The following NOSTRIN variants were observed in gnomAD, a reference collection of about 807,000 sequenced individuals.
NOSTRIN encodes the protein BM247 homolog.
A neutral mutation model predicts 59.0 loss-of-function variants in NOSTRIN; 63 were observed. The observed-to-expected ratio is 1.07, with a 90% CI of 0.87 to 1.32. The LOEUF is 1.32. Among genes scored for constraint, NOSTRIN ranks in the 40% most tolerant of loss-of-function variants. The pLI is 0.00. For synonymous variants in NOSTRIN, 200 were observed against 165.4 expected (o/e 1.21, Z -1.61); for missense variants, 512 against 473.1 (o/e 1.08, Z -0.76).
intron 5 of NOSTRIN, among the ~76,000 whole-genome samples, chr2:168,830,110 A>T (rs184836372): frequency 2.0e-5 from 3 of 152,232 alleles, no homozygotes; most frequent in African/African-American, 7.2e-5. Flanking sequence ...TGCCTTTGCA[A>T]GCCAACTTAA....
chr2:168,844,001 G>C (rs920489079), intron 8 of NOSTRIN, among the ~76,000 whole-genome samples: 1 of 152,142 alleles, frequency 6.6e-6, no homozygotes, highest in Non-Finnish European at 1.5e-5. Flanking sequence ...TTTGGAAAGT[G>C]AACTAATATC....
chr2:168,863,742 C>A, intron 15 of NOSTRIN: 1 of 805,586 alleles, frequency 1.2e-6, no homozygotes, highest in Non-Finnish European at 1.5e-6. Flanking sequence ...TAAGAAAAGA[C>A]TGTTGGTGAG....
upstream of NOSTRIN, among the ~76,000 whole-genome samples, chr2:168,796,168 C>T (rs1685472743): frequency 2.0e-5 from 3 of 152,230 alleles, no homozygotes; most frequent in South Asian, 6.2e-4. Context: ...CCATGGCACT[C>T]ATGTGCATGC....
chr2:168,845,604 T>C (rs2105730830), intron 8 of NOSTRIN, among the ~76,000 whole-genome samples: 1 of 152,286 alleles, frequency 6.6e-6, no homozygotes, highest in South Asian at 2.1e-4. Flanking sequence ...CCTCTACATG[T>C]TTCCCCTACA....
chr2:168,833,680 T>G (rs1239291064), intron 6 of NOSTRIN, among the ~76,000 whole-genome samples: 1 of 152,202 alleles, frequency 6.6e-6, no homozygotes, highest in Admixed American at 6.5e-5. Flanking sequence ...CCCTACTTCT[T>G]TCTACTTCTC....
At chr2:168,816,166 C>G (rs557926688) in intron 2 of NOSTRIN, among the ~76,000 whole-genome samples, 227 of 152,240 alleles carry the variant, frequency 1.5e-3, no homozygotes, top group Non-Finnish European at 1.8e-3. Flanking sequence ...ACCCCTTAAG[C>G]CTTTTACTCT....
chr2:168,799,260 T>C (rs1559100094), upstream of NOSTRIN, among the ~76,000 whole-genome samples: 1 of 152,142 alleles, frequency 6.6e-6, no homozygotes, highest in African/African-American at 2.4e-5. Flanking sequence ...CTACTTATAT[T>C]AAGTTGGCCT....
chr2:168,822,182 T>C (rs73969965), intron 2 of NOSTRIN, among the ~76,000 whole-genome samples: 2,195 of 152,328 alleles, frequency 0.014, 49 homozygotes, highest in African/African-American at 0.046. Flanking sequence ...GAGATATTTA[T>C]TGACTGGCTT....
intron 3 of NOSTRIN, among the ~76,000 whole-genome samples, chr2:168,825,039 G>T (rs889087192): frequency 6.6e-6 from 1 of 152,176 alleles, no homozygotes; most frequent in Admixed American, 6.5e-5. Flanking sequence ...GATTACATGT[G>T]TGAGCCACCA....
At chr2:168,797,090 T>C (rs1413624831), upstream of NOSTRIN, among the ~76,000 whole-genome samples, 3 of 131,662 alleles carry the variant, frequency 2.3e-5, no homozygotes, top group East Asian at 2.2e-4. Context: ...TTTTTTTTTT[T>C]TTTTTTTTTT....
At chr2:168,854,556 C>T (rs1326207330) in intron 10 of NOSTRIN, among the ~76,000 whole-genome samples, 1 of 152,160 alleles carries the variant, frequency 6.6e-6, no homozygotes, top group Non-Finnish European at 1.5e-5. Flanking sequence ...ATTCCTACAT[C>T]AGCCCTAAAA....
Position 168,834,541 on chromosome 2 carries a change from A to ACACC in NOSTRIN, c.504+217_504+218insACCC, listed in dbSNP as rs58702721. Among the ~76,000 whole-genome samples the ACACC allele has an allele frequency of 4.9e-3, 685 of 140,338 alleles. 5 individuals are homozygous for ACACC. Among genetic ancestry groups the ACACC allele is most frequent in the African/African-American group, 0.016 (603 of 38,016 alleles). 92.1% of individuals were successfully genotyped at this position (140,338 alleles called of 152,430 possible). Reference sequence around the variant, plus strand: ...CACACACACACACACACACACACACACCACATACATTTTAAACTTTATTTT... The same window carrying ACACC: ...CACACACACACACACACACACACACACACCCCACATACATTTTAAACTTTATTTT... On this transcript the variant is annotated intron_variant, in intron 7 of 15. Coordinates refer to ENST00000317647, the MANE Select transcript of NOSTRIN (RefSeq NM_001039724.4).
intron 2 of NOSTRIN, chr2:168,818,151 TTATTA>T (rs1359496987): frequency 7.0e-6 from 2 of 285,988 alleles, no homozygotes; most frequent in African/African-American, 2.2e-5. Flanking sequence ...TAGCTCTATT[TTATTA>T]TTTTATGTTT....
chr2:168,816,922 A>G (rs1686435569), intron 2 of NOSTRIN, among the ~76,000 whole-genome samples: 1 of 152,180 alleles, frequency 6.6e-6, no homozygotes, highest in South Asian at 2.1e-4. Flanking sequence ...AAGTTAGGCT[A>G]TTTTTGAGGA....
At chr2:168,863,328 G>GAAAATGTAGAAA in intron 15 of NOSTRIN, 2 of 860,578 alleles carry the variant, frequency 2.3e-6, no homozygotes, top group African/African-American at 1.8e-5. Context: ...TTATGACTAA[G>GAAAATGTAGAAA]AAAATGTAGA....
intron 2 of NOSTRIN, among the ~76,000 whole-genome samples, chr2:168,791,570 G>A (rs1329097807): frequency 6.6e-6 from 1 of 152,190 alleles, no homozygotes; most frequent in African/African-American, 2.4e-5. Flanking sequence ...TTGCCACACT[G>A]TCTTCCACAA....
At chr2:168,788,743 G>A (rs1331916041) in intron 2 of NOSTRIN, among the ~76,000 whole-genome samples, 1 of 152,162 alleles carries the variant, frequency 6.6e-6, no homozygotes, top group Non-Finnish European at 1.5e-5. Context: ...TGGAGGAAGA[G>A]AAAACCGAAT....
At chr2:168,836,338 C>A (rs1013046393) in intron 7 of NOSTRIN, among the ~76,000 whole-genome samples, 4 of 152,176 alleles carry the variant, frequency 2.6e-5, no homozygotes, top group African/African-American at 9.7e-5. Context: ...CCTCTTCCTA[C>A]CCCCATCAGC....
upstream of NOSTRIN, among the ~76,000 whole-genome samples, chr2:168,795,374 C>G (rs1439910202): frequency 6.6e-6 from 1 of 152,178 alleles, no homozygotes; most frequent in Non-Finnish European, 1.5e-5. Context: ...GTAATTTGAA[C>G]AAATCTGCAT....
Sources: allele counts gnomAD v4.1 joint callset (sites outside exome capture counted in the v4.1 genomes callset), GRCh38; gene constraint gnomAD v4.1.1; transcripts MANE v1.5; gene names NCBI Gene and HGNC (gene_info 2026-07-23, HGNC 2026-07-21).